Variants in TENM2 observed in about 807,000 individuals in gnomAD.
TENM2 encodes the protein teneurin transmembrane protein 2, also known as teneurin-2.
In TENM2, 52 loss-of-function variants were observed where a neutral mutation model predicts 245.2. The ratio of observed to expected loss-of-function variants is 0.21; its 90% CI spans 0.17 to 0.27. The LOEUF (loss-of-function observed/expected upper bound fraction) is 0.27. Ranked by LOEUF, TENM2 falls within the 10% of genes least tolerant of loss-of-function variation. The pLI, the probability that TENM2 is intolerant of heterozygous loss-of-function variation, is 1.00. For missense variants in TENM2, 3,046 were observed against 3,666.8 expected (o/e 0.83, Z 4.37); for synonymous variants, 1,363 against 1,438.9 (o/e 0.95, Z 1.19).
intron 2 of TENM2, among the ~76,000 whole-genome samples, chr5:167,758,449 A>C (rs575358534): frequency 6.6e-6 from 1 of 152,184 alleles, no homozygotes; most frequent in East Asian, 1.9e-4. Flanking sequence ...AGGCAGGGGC[A>C]CTTCCTACCA....
At chr5:167,279,789 T>G in the TENM2 span, among the ~76,000 whole-genome samples, 1 of 152,152 alleles carries the variant, frequency 6.6e-6, no homozygotes, top group African/African-American at 2.4e-5. Flanking sequence ...TGATGAGACT[T>G]TCTGTTTTCC....
chr5:168,199,856 C>G lies in TENM2; in HGVS notation c.3163-8C>G. 6.2e-7 allele frequency: 1 copy of G among 1,612,274 alleles called. No individual in the cohort carries two copies. The highest frequency in any genetic ancestry group is 8.5e-7 in the Non-Finnish European group (1 of 1,178,988). The stretch of plus-strand genomic sequence containing the variant: ...TAGGTGTGTGTCTGCCATGTGTTTC[C>G]TCTCCAGGTTCTTCATGAAGAAATC... On this transcript the variant is annotated splice_region_variant and splice_polypyrimidine_tract_variant and intron_variant, in intron 16 of 28. Coordinates refer to ENST00000518659, the Ensembl canonical transcript of TENM2.
At chr5:167,311,093 C>T (rs936356590) in intron 1 of TENM2, among the ~76,000 whole-genome samples, 2 of 152,150 alleles carry the variant, frequency 1.3e-5, no homozygotes, top group African/African-American at 4.8e-5. Context: ...TGGCTTGGTC[C>T]AGGGCTTAGG....
At chr5:167,680,205 G>C (rs931469148) in intron 2 of TENM2, among the ~76,000 whole-genome samples, 1 of 151,818 alleles carries the variant, frequency 6.6e-6, no homozygotes, top group Non-Finnish European at 1.5e-5. Context: ...CACTGGGCAT[G>C]GTGATAAAAA....
the TENM2 span, among the ~76,000 whole-genome samples, chr5:167,269,238 G>T: frequency 6.6e-6 from 1 of 151,992 alleles, no homozygotes; most frequent in African/African-American, 2.4e-5. Context: ...TGGCTCTAAG[G>T]CCTTTTAAAC....
the TENM2 span, among the ~76,000 whole-genome samples, chr5:167,038,056 C>T: frequency 6.6e-6 from 1 of 152,200 alleles, no homozygotes; most frequent in Non-Finnish European, 1.5e-5. Context: ...AGAACAGGTA[C>T]AGGAGAAAGA....
At chr5:167,456,655 A>G (rs1561971476) in intron 2 of TENM2, among the ~76,000 whole-genome samples, 2 of 152,218 alleles carry the variant, frequency 1.3e-5, no homozygotes, top group East Asian at 3.8e-4. Flanking sequence ...TTTTTACACA[A>G]GATGGATGTT....
the TENM2 span, among the ~76,000 whole-genome samples, chr5:167,007,510 C>T: frequency 3.3e-5 from 5 of 152,358 alleles, no homozygotes; most frequent in East Asian, 1.9e-4. The surrounding 1 kb of genome is among the most constrained non-coding windows in gnomAD (Gnocchi z 4.2). Context: ...TTCAATTCTT[C>T]ACCATGCCTC....
Position 168,048,468 on chromosome 5 carries a change from T to G in TENM2, c.1309+919T>G, listed in dbSNP as rs1313567281. On this transcript the variant is annotated intron_variant, in intron 6 of 28. Coordinates refer to ENST00000518659, the Ensembl canonical transcript of TENM2. ...CAAAGAAGGGAAAGGAAGCAGCATT[T>G]ATTAGGCACCTATTGCATGCCAGGC... 2.0e-5 allele frequency among the ~76,000 whole-genome samples: 3 copies of G among 152,226 alleles called. No individual in the cohort carries two copies. In the East Asian group the frequency reaches 5.8e-4, roughly 29 times the overall value.
the TENM2 span, among the ~76,000 whole-genome samples, chr5:167,224,567 A>G: frequency 1.3e-5 from 2 of 152,160 alleles, no homozygotes; most frequent in South Asian, 2.1e-4. Context: ...TAATACCAAC[A>G]TCATGCTGTT....
At chr5:167,171,836 A>G in the TENM2 span, among the ~76,000 whole-genome samples, 1 of 152,186 alleles carries the variant, frequency 6.6e-6, no homozygotes, top group Non-Finnish European at 1.5e-5. Flanking sequence ...GGGTGCGTGA[A>G]GCTATCTCAG....
At chr5:167,271,199 TGAG>T in the TENM2 span, among the ~76,000 whole-genome samples, 1 of 151,906 alleles carries the variant, frequency 6.6e-6, no homozygotes, top group Non-Finnish European at 1.5e-5. Context: ...CTCTGCATGG[TGAG>T]GAGGAGTGGG....
intron 5 of TENM2, among the ~76,000 whole-genome samples, chr5:167,996,497 T>C (rs1262445888): frequency 6.6e-6 from 1 of 152,178 alleles, no homozygotes; most frequent in Non-Finnish European, 1.5e-5. Flanking sequence ...CAAGAGACTT[T>C]CCTCTCAGGA....
chr5:167,483,893 CTG>C (rs1263463813), intron 2 of TENM2, among the ~76,000 whole-genome samples: 6 of 152,172 alleles, frequency 3.9e-5, no homozygotes, highest in Non-Finnish European at 7.3e-5. Context: ...GTACCAAGCT[CTG>C]AAAGTTTGGC....
At chr5:167,370,390 A>G (rs952133626) in intron 1 of TENM2, among the ~76,000 whole-genome samples, 12 of 145,918 alleles carry the variant, frequency 8.2e-5, no homozygotes, top group Admixed American at 8.1e-4. Flanking sequence ...GAGGATCTGG[A>G]TTATACACTG....
At chr5:168,017,161 A>G (rs893383923) in intron 5 of TENM2, among the ~76,000 whole-genome samples, 6 of 152,240 alleles carry the variant, frequency 3.9e-5, no homozygotes, top group Non-Finnish European at 7.3e-5. Context: ...AAAAGGAAGT[A>G]GAGACAATTG....
In TENM2 at chr5:167,331,235, CA is replaced by C. The variant is rs34787036; in HGVS notation, c.227-43945del. On this transcript the variant is annotated intron_variant, in intron 1 of 28. Coordinates refer to ENST00000518659, the Ensembl canonical transcript of TENM2. ...AGGGCAACAGAGTGAGACTCTGTCT[CA>C]AAAAAAAAAAAAAAAAAGACAAGAA... Among the ~76,000 whole-genome samples, 728 of 85,530 alleles carry C rather than the reference CA, an allele frequency of 8.5e-3. 3 individuals carry two copies. Among genetic ancestry groups the C allele is most frequent in the African/African-American group, 0.031 (632 of 20,346 alleles). 56.1% of individuals were successfully genotyped at this position (85,530 alleles called of 152,430 possible).
At chr5:167,128,733 G>C in the TENM2 span, among the ~76,000 whole-genome samples, 3 of 152,078 alleles carry the variant, frequency 2.0e-5, no homozygotes, top group African/African-American at 7.2e-5. Flanking sequence ...TAATCACCTG[G>C]CATTGTAATT....
At chr5:167,724,691 T>G (rs954489838) in intron 2 of TENM2, among the ~76,000 whole-genome samples, 4 of 152,208 alleles carry the variant, frequency 2.6e-5, no homozygotes, top group African/African-American at 9.6e-5. Flanking sequence ...TTCATTTCTT[T>G]GTGGCTGAGA....
Sources: gnomAD v4.1 joint callset for allele counts (sites outside exome capture counted in the v4.1 genomes callset) on GRCh38, gnomAD v4.1.1 for gene constraint, Gnocchi (gnomAD v3.1) non-coding constraint, MANE v1.5 for transcripts, NCBI Gene and HGNC (gene_info 2026-07-23, HGNC 2026-07-21) for gene names.